Variants in CEMIP observed in about 807,000 individuals in gnomAD.
The protein encoded by CEMIP is cell migration-inducing and hyaluronan-binding protein.
A neutral mutation model predicts 156.9 loss-of-function variants in CEMIP; 105 were observed. The observed-to-expected ratio is 0.67, with a 90% CI of 0.57 to 0.79. CEMIP has a LOEUF of 0.79. Ranked by LOEUF, CEMIP falls within the 30% of genes least tolerant of loss-of-function variation. The pLI is 0.00. For synonymous variants in CEMIP, 676 were observed against 668.4 expected, an observed-to-expected ratio of 1.01 and a Z score of -0.17; for missense variants, 1,457 against 1,769.4, an observed-to-expected ratio of 0.82 and a Z score of 3.17.
chr15:80,935,262 T>C (rs781422999), intron 23 of CEMIP, among the ~76,000 whole-genome samples: 5 of 152,164 alleles, frequency 3.3e-5, no homozygotes, highest in African/African-American at 4.8e-5. Context: ...TCCTGAATAA[T>C]TGAAGGATGA....
intron 7 of CEMIP, among the ~76,000 whole-genome samples, 188 bp from the exon 8 acceptor site, chr15:80,887,506 A>G (rs1229535903): frequency 2.0e-5 from 3 of 152,120 alleles, no homozygotes; most frequent in African/African-American, 7.2e-5. Flanking sequence ...AGCCCAGAGG[A>G]GTGCTTGCAA....
rs773173007 is a variant in CEMIP, at chr15:80,884,162, C to T, written c.618-13C>T. ...TCAAGACTATTCAGATCTCTTCTCT[C>T]TGCCCTTTTTAGGTTTGACACCTAT... On this transcript the variant is annotated splice_polypyrimidine_tract_variant and intron_variant, in intron 6 of 29. Transcript: ENST00000394685. 21 of 1,613,854 alleles carry T rather than the reference C, an allele frequency of 1.3e-5. No individual in the cohort carries two copies. The highest frequency in any genetic ancestry group is 1.7e-5 in the Non-Finnish European group (20 of 1,179,864).
chr15:80,926,933 C>A (rs1189917369), intron 19 of CEMIP, among the ~76,000 whole-genome samples: 1 of 151,104 alleles, frequency 6.6e-6, no homozygotes, highest in East Asian at 2.0e-4. Flanking sequence ...TGGGTTCAAG[C>A]AATTCTCCTG....
intron 25 of CEMIP, among the ~76,000 whole-genome samples, chr15:80,938,376 G>A (rs965509768): frequency 4.6e-5 from 7 of 152,162 alleles, no homozygotes; most frequent in Non-Finnish European, 7.3e-5. Flanking sequence ...GGAGGCCGAG[G>A]TGGGTGGATC....
At chr15:80,824,136 C>A (rs190363709) in intron 1 of CEMIP, among the ~76,000 whole-genome samples, 1 of 152,096 alleles carries the variant, frequency 6.6e-6, no homozygotes, top group African/African-American at 2.4e-5. Context: ...TGAGAAAGAC[C>A]GTGAAGGCAC....
chr15:80,839,819 T>C (rs964057349), intron 1 of CEMIP, among the ~76,000 whole-genome samples: 5 of 152,338 alleles, frequency 3.3e-5, no homozygotes, highest in African/African-American at 1.2e-4. Context: ...TGTCCAATAT[T>C]CCTTCAGTCT....
At chr15:80,848,496 T>C (rs889431093) in intron 1 of CEMIP, among the ~76,000 whole-genome samples, 1 of 152,202 alleles carries the variant, frequency 6.6e-6, no homozygotes, top group Non-Finnish European at 1.5e-5. Flanking sequence ...CCCAAGCCTG[T>C]GGGGCCTTTT....
chr15:80,834,439 A>C (rs1396220753), intron 1 of CEMIP, among the ~76,000 whole-genome samples: 2 of 152,150 alleles, frequency 1.3e-5, no homozygotes, highest in Non-Finnish European at 2.9e-5. Context: ...TACCATCTAC[A>C]TTGGGATTGA....
chr15:80,825,847 C>T (rs916815861), intron 1 of CEMIP, among the ~76,000 whole-genome samples: 2 of 152,196 alleles, frequency 1.3e-5, no homozygotes, highest in Non-Finnish European at 2.9e-5. Context: ...TGTGCTGTTG[C>T]TCCGACTGTC....
chr15:80,902,560 T>C (rs1041482423), intron 12 of CEMIP, among the ~76,000 whole-genome samples: 1 of 152,200 alleles, frequency 6.6e-6, no homozygotes, highest in African/African-American at 2.4e-5. Flanking sequence ...CTAACAGCCA[T>C]GGCCAGGTCT....
intron 12 of CEMIP, among the ~76,000 whole-genome samples, chr15:80,902,610 C>T (rs887293503): frequency 2.0e-5 from 3 of 152,164 alleles, no homozygotes; most frequent in East Asian, 1.9e-4. Flanking sequence ...GCCGGGAAGA[C>T]GGCTGTGGGA....
chr15:80,861,197 GATTA>G (rs140559936), intron 1 of CEMIP, among the ~76,000 whole-genome samples: 1,974 of 152,142 alleles, frequency 0.013, 42 homozygotes, highest in African/African-American at 0.043. Flanking sequence ...AACACGGATT[GATTA>G]ATTAAATTCC....
At chr15:80,844,356 G>A (rs987338231) in intron 1 of CEMIP, among the ~76,000 whole-genome samples, 5 of 152,196 alleles carry the variant, frequency 3.3e-5, no homozygotes, top group Non-Finnish European at 4.4e-5. Context: ...ATGCTCAGGC[G>A]ACAAGCAAAG....
intron 12 of CEMIP, chr15:80,901,108 C>A: frequency 2.6e-6 from 1 of 380,576 alleles, no homozygotes; most frequent in Non-Finnish European, 5.3e-6. Flanking sequence ...GATTTTCCAC[C>A]CTGTTGTCTT....
At chr15:80,945,714 G>A (rs1166034447) in intron 28 of CEMIP, among the ~76,000 whole-genome samples, 1 of 152,230 alleles carries the variant, frequency 6.6e-6, no homozygotes, top group Non-Finnish European at 1.5e-5. Context: ...TCCATGTCTG[G>A]ACTGTGGTCT....
At chr15:80,931,815 A>C (rs966508332) in intron 21 of CEMIP, 44 bp from the exon 22 acceptor site, 2 of 1,590,750 alleles carry the variant, frequency 1.3e-6, no homozygotes, top group East Asian at 4.5e-5. Flanking sequence ...CTCCATAGGA[A>C]TGGAAAACAT....
intron 17 of CEMIP, 25 bp from the exon 18 acceptor site, chr15:80,924,596 G>A (rs1018318933): frequency 3.1e-6 from 5 of 1,605,990 alleles, no homozygotes; most frequent in Non-Finnish European, 3.4e-6. Flanking sequence ...AAACTAATGT[G>A]TCCCTGAATA....
At chr15:80,896,230 T>C (rs1567088263) in intron 12 of CEMIP, 170 bp downstream of exon 12, 1 of 755,064 alleles carries the variant, frequency 1.3e-6, no homozygotes, top group East Asian at 2.7e-5. Flanking sequence ...TACTCATGTA[T>C]CTGCAGGTTG....
chr15:80,817,120 C>T (rs1596109173), intron 1 of CEMIP, among the ~76,000 whole-genome samples: 2 of 152,020 alleles, frequency 1.3e-5, no homozygotes, highest in South Asian at 2.1e-4. Flanking sequence ...GCTAAAATGA[C>T]GATACCTTGG....
Sources: allele counts gnomAD v4.1 joint callset (sites outside exome capture counted in the v4.1 genomes callset), GRCh38; gene constraint gnomAD v4.1.1; transcripts MANE v1.5; gene names NCBI Gene and HGNC (gene_info 2026-07-23, HGNC 2026-07-21).